The following ITFG1 variants were observed in gnomAD, a reference collection of about 807,000 sequenced individuals.
ITFG1 encodes T-cell immunomodulatory protein.
Under a neutral mutation model 81.8 loss-of-function variants are expected in ITFG1, and 34 were observed. The ratio of observed to expected loss-of-function variants is 0.42; its 90% CI spans 0.32 to 0.55. The LOEUF (loss-of-function observed/expected upper bound fraction) is 0.55. ITFG1 is among the 20% of genes least tolerant of loss of function. The pLI, the probability that ITFG1 is intolerant of heterozygous loss-of-function variation, is 0.17. For missense variants in ITFG1, 672 were observed against 755.4 expected (o/e 0.89, Z 1.29); for synonymous variants, 285 against 270.6 (o/e 1.05, Z -0.52).
chr16:47,165,893 AT>A (rs1029914059), intron 14 of ITFG1, among the ~76,000 whole-genome samples: 3 of 152,214 alleles, frequency 2.0e-5, no homozygotes, highest in African/African-American at 7.2e-5. Flanking sequence ...AGCTGATTTC[AT>A]GACACTACTA....
intron 6 of ITFG1, among the ~76,000 whole-genome samples, chr16:47,402,771 T>C (rs150231235): frequency 8.5e-4 from 130 of 152,336 alleles, no homozygotes; most frequent in East Asian, 7.9e-3. Flanking sequence ...TTATATAATA[T>C]AAATGTGTGT....
chr16:47,306,187 C>G (rs886509108), intron 10 of ITFG1, among the ~76,000 whole-genome samples: 1 of 150,958 alleles, frequency 6.6e-6, no homozygotes, highest in Non-Finnish European at 1.5e-5. Flanking sequence ...ACCTTAGGAA[C>G]TATAAAAGGA....
intron 14 of ITFG1, among the ~76,000 whole-genome samples, chr16:47,180,799 C>T (rs546936543): frequency 5.3e-5 from 8 of 151,998 alleles, no homozygotes; most frequent in South Asian, 2.1e-4. Flanking sequence ...TCTGCCCGGC[C>T]GCCACCCCGT....
intron 8 of ITFG1, among the ~76,000 whole-genome samples, chr16:47,333,360 T>G (rs16955781): frequency 0.069 from 10,519 of 152,216 alleles, 611 homozygotes; most frequent in African/African-American, 0.15. Context: ...CAAGGATGTC[T>G]CCTCTCTTCC....
intron 6 of ITFG1, among the ~76,000 whole-genome samples, chr16:47,381,697 A>G (rs761522421): frequency 3.3e-5 from 5 of 152,196 alleles, no homozygotes; most frequent in Non-Finnish European, 7.3e-5. Context: ...TGTAGAATAA[A>G]AATATCTTTA....
intron 14 of ITFG1, among the ~76,000 whole-genome samples, chr16:47,216,559 A>G (rs780894263): frequency 6.6e-6 from 1 of 152,224 alleles, no homozygotes; most frequent in Non-Finnish European, 1.5e-5. Flanking sequence ...AGAAATGTAC[A>G]AAGTGGAAAG....
intron 6 of ITFG1, among the ~76,000 whole-genome samples, chr16:47,425,504 C>T (rs1969008735): frequency 6.6e-6 from 1 of 152,060 alleles, no homozygotes; most frequent in South Asian, 2.1e-4. Context: ...GTTGGAAATG[C>T]ACAAATCACC....
intron 6 of ITFG1, among the ~76,000 whole-genome samples, chr16:47,385,474 AC>A (rs1300634457): frequency 1.3e-5 from 2 of 152,236 alleles, no homozygotes; most frequent in Non-Finnish European, 2.9e-5. Flanking sequence ...ATGTGAAACT[AC>A]AAAAAATTTC....
chr16:47,428,740 C>G, intron 6 of ITFG1, 64 bp downstream of exon 6: 1 of 932,576 alleles, frequency 1.1e-6, no homozygotes, highest in Non-Finnish European at 1.8e-6. Flanking sequence ...ACAAAGTGTA[C>G]AGTAAATAAA....
chr16:47,295,051 A>T (rs2151556656), intron 10 of ITFG1, among the ~76,000 whole-genome samples: 1 of 152,170 alleles, frequency 6.6e-6, no homozygotes, highest in Non-Finnish European at 1.5e-5. Flanking sequence ...CTAGGTTTTG[A>T]TGATTTTTAT....
At chr16:47,320,244 T>C (rs1016196493) in intron 8 of ITFG1, among the ~76,000 whole-genome samples, 2 of 152,266 alleles carry the variant, frequency 1.3e-5, no homozygotes, top group African/African-American at 4.8e-5. Context: ...ATGTTGTTGG[T>C]CTTTTACCTG....
intron 5 of ITFG1, among the ~76,000 whole-genome samples, chr16:47,434,551 A>T (rs546705382): frequency 6.6e-6 from 1 of 152,306 alleles, no homozygotes; most frequent in South Asian, 2.1e-4. Context: ...AAAAAGCAAC[A>T]GATTCTGGCA....
chr16:47,435,143 T>G (rs1179710660), intron 5 of ITFG1, among the ~76,000 whole-genome samples: 1 of 152,116 alleles, frequency 6.6e-6, no homozygotes, highest in Non-Finnish European at 1.5e-5. Context: ...CATTTACCTG[T>G]GTAACAAACA....
At chr16:47,423,343 AG>A in intron 6 of ITFG1, among the ~76,000 whole-genome samples, 1 of 150,990 alleles carries the variant, frequency 6.6e-6, no homozygotes, top group Non-Finnish European at 1.5e-5. Flanking sequence ...CCCATGAGAC[AG>A]GTCTCCTGAA....
At chr16:47,304,604 T>C (rs1483260745) in intron 10 of ITFG1, among the ~76,000 whole-genome samples, 4 of 152,218 alleles carry the variant, frequency 2.6e-5, no homozygotes, top group Non-Finnish European at 4.4e-5. Context: ...TTGTGTTTTA[T>C]TTCTCCTTTT....
At chr16:47,369,833 C>CTTTTTTTTTTTTTTTTTTTT (rs71134539) in intron 7 of ITFG1, among the ~76,000 whole-genome samples, 1 of 51,708 alleles carries the variant, frequency 1.9e-5, no homozygotes, top group East Asian at 6.3e-4. Flanking sequence ...TCAATATCCT[C>CTTTTTTTTTTTTTTTTTTTT]TTTTTTTTTT....
intron 8 of ITFG1, among the ~76,000 whole-genome samples, chr16:47,328,724 C>T (rs944982063): frequency 6.6e-6 from 1 of 151,954 alleles, no homozygotes; most frequent in African/African-American, 2.4e-5. Flanking sequence ...AAATAAATTC[C>T]GTTGGGGAAT....
intron 14 of ITFG1, among the ~76,000 whole-genome samples, chr16:47,180,953 G>A: frequency 6.6e-6 from 1 of 151,358 alleles, no homozygotes. Context: ...TCTCTGCCCG[G>A]CCGCCCATCA....
chr16:47,340,724 T>C (rs190101275), intron 8 of ITFG1, among the ~76,000 whole-genome samples: 80 of 152,254 alleles, frequency 5.3e-4, no homozygotes, highest in African/African-American at 1.8e-3. Context: ...AAAAGGAGAT[T>C]GGCAGAATGA....
Sources: gnomAD v4.1 joint callset for allele counts (sites outside exome capture counted in the v4.1 genomes callset) on GRCh38, gnomAD v4.1.1 for gene constraint, MANE v1.5 for transcripts, NCBI Gene and HGNC (gene_info 2026-07-23, HGNC 2026-07-21) for gene names.